OBP2B: variants seen among roughly 807,000 people sequenced by gnomAD.
OBP2B encodes odorant-binding protein 2b.
In OBP2B, 10 loss-of-function variants were observed where a neutral mutation model predicts 21.7. The ratio of observed to expected loss-of-function variants is 0.46; its 90% CI spans 0.28 to 0.78. The LOEUF is 0.78. OBP2B is among the 30% of genes least tolerant of loss of function. The pLI is 0.11. For missense variants in OBP2B, 153 were observed against 217.7 expected, an observed-to-expected ratio of 0.70 and a Z score of 1.87; for synonymous variants, 73 against 91.5, an observed-to-expected ratio of 0.80 and a Z score of 1.16.
chr9:133,207,156 T>C, intron 4 of OBP2B, 70 bp downstream of exon 4: 1 of 1,074,528 alleles, frequency 9.3e-7, no homozygotes, highest in South Asian at 1.3e-5. Context: ...GGCATGGTGG[T>C]GCTGGTTCCA....
chr9:133,220,149 T>A, the OBP2B span, among the ~76,000 whole-genome samples: 1 of 152,174 alleles, frequency 6.6e-6, no homozygotes, highest in African/African-American at 2.4e-5. Context: ...CATAGGGACC[T>A]TTGTAAGATG....
At chr9:133,211,488 C>T (rs1238693022), upstream of OBP2B, among the ~76,000 whole-genome samples, 5 of 152,222 alleles carry the variant, frequency 3.3e-5, no homozygotes, top group African/African-American at 1.2e-4. Context: ...AGCTTCCCAC[C>T]TTAAGTGCCT....
chr9:133,215,959 A>C, the OBP2B span, among the ~76,000 whole-genome samples: 2 of 152,240 alleles, frequency 1.3e-5, no homozygotes, highest in Non-Finnish European at 1.5e-5. Context: ...TCATAGACTT[A>C]AACATAAAAC....
intron 4 of OBP2B, chr9:133,206,619 A>T: frequency 1.5e-6 from 1 of 645,318 alleles, no homozygotes. Context: ...CCAAGAGTGG[A>T]CCAGAGCTCT....
At chr9:133,220,027 T>A in the OBP2B span, among the ~76,000 whole-genome samples, 3,296 of 152,214 alleles carry the variant, frequency 0.022, 109 homozygotes, top group African/African-American at 0.075. Flanking sequence ...AAGAAACACA[T>A]ATATATGATT....
At chr9:133,221,419 A>G in the OBP2B span, among the ~76,000 whole-genome samples, 4 of 152,186 alleles carry the variant, frequency 2.6e-5, no homozygotes, top group Admixed American at 1.3e-4. Flanking sequence ...TCTCGTCGAT[A>G]GAAAATGGGA....
chr9:133,214,912 A>G, the OBP2B span, among the ~76,000 whole-genome samples: 3 of 152,244 alleles, frequency 2.0e-5, no homozygotes, highest in Non-Finnish European at 4.4e-5. Flanking sequence ...AGTCAGAGCA[A>G]TAAAGGTTTT....
the OBP2B span, among the ~76,000 whole-genome samples, chr9:133,221,858 T>C: frequency 6.6e-6 from 1 of 152,196 alleles, no homozygotes; most frequent in South Asian, 2.1e-4. Context: ...GGGACATTTA[T>C]GTGATCTCAG....
the OBP2B span, among the ~76,000 whole-genome samples, chr9:133,217,364 G>A: frequency 2.0e-5 from 3 of 152,222 alleles, no homozygotes; most frequent in East Asian, 1.9e-4. Context: ...AGGCAATGGA[G>A]CTGGAGCCAG....
At chr9:133,211,859 T>A (rs1833920381), upstream of OBP2B, among the ~76,000 whole-genome samples, 1 of 152,212 alleles carries the variant, frequency 6.6e-6, no homozygotes, top group South Asian at 2.1e-4. Context: ...CTCTAGCATG[T>A]TAATAATTAT....
At chr9:133,213,729 C>A (rs1833943298), upstream of OBP2B, among the ~76,000 whole-genome samples, 1 of 152,114 alleles carries the variant, frequency 6.6e-6, no homozygotes, top group Non-Finnish European at 1.5e-5. Context: ...AACACAATGC[C>A]AATATAAGAT....
the OBP2B span, among the ~76,000 whole-genome samples, chr9:133,222,991 G>C: frequency 1.3e-5 from 2 of 152,162 alleles, no homozygotes; most frequent in African/African-American, 4.8e-5. Context: ...GAACCAGTCT[G>C]TTCCTGGCTC....
At chr9:133,218,326 T>C in the OBP2B span, among the ~76,000 whole-genome samples, 2 of 152,132 alleles carry the variant, frequency 1.3e-5, no homozygotes, top group African/African-American at 4.8e-5. Flanking sequence ...AACTGCCATG[T>C]AGGGATTAAG....
intron 4 of OBP2B, 191 bp from the exon 5 acceptor site, chr9:133,206,607 AC>A: frequency 1.5e-6 from 1 of 672,338 alleles, no homozygotes; most frequent in Non-Finnish European, 2.5e-6. Context: ...AAGGGGAGAG[AC>A]CCAAGAGTGG....
chr9:133,205,781 G>T, intron 6 of OBP2B, 136 bp downstream of exon 6: 2 of 1,336,462 alleles, frequency 1.5e-6, no homozygotes, highest in Non-Finnish European at 2.1e-6. Flanking sequence ...CAGACTCTGA[G>T]GTGCCAACCT....
chr9:133,221,318 C>T, the OBP2B span, among the ~76,000 whole-genome samples: 5 of 152,174 alleles, frequency 3.3e-5, no homozygotes, highest in Non-Finnish European at 7.3e-5. Context: ...ACTTTGGAGT[C>T]GTTCTTCCCA....
chr9:133,206,524 A>G, intron 4 of OBP2B, 108 bp from the exon 5 acceptor site: 1 of 1,433,400 alleles, frequency 7.0e-7, no homozygotes, highest in South Asian at 1.2e-5. Flanking sequence ...ACAGGGGGAG[A>G]GGCCTGAGAG....
At chr9:133,218,286 C>T in the OBP2B span, among the ~76,000 whole-genome samples, 19 of 152,236 alleles carry the variant, frequency 1.2e-4, no homozygotes, top group South Asian at 8.3e-4. Context: ...CCAGGGAGAC[C>T]GGCCACACAT....
Position 133,209,006 on chromosome 9 carries a change from G to A in OBP2B, c.72+122C>T. 1.1e-6 allele frequency: 1 copy of A among 948,860 alleles called. No individual in the cohort carries two copies. Among genetic ancestry groups the A allele is most frequent in the Non-Finnish European group, 1.6e-6 (1 of 636,284 alleles). The allele number at this position is 948,860 out of a possible 1,614,324, so 58.8% of individuals were successfully genotyped here. The stretch of plus-strand genomic sequence containing the variant: ...ATAGGACCCCTCCACCACCACCCCA[G>A]GCTGGGAGCACGGGGTCAGAAGCCA... On this transcript the variant is annotated intron_variant, in intron 1 of 6. Coordinates refer to ENST00000372034, the MANE Select transcript of OBP2B (RefSeq NM_014581.4). This position sits in a 1 kb window ranked among gnomAD's most constrained non-coding sequence, Gnocchi z 6.0.
Sources: allele counts gnomAD v4.1 joint callset (sites outside exome capture counted in the v4.1 genomes callset), GRCh38; gene constraint gnomAD v4.1.1; non-coding constraint Gnocchi (gnomAD v3.1); transcripts MANE v1.5; gene names NCBI Gene and HGNC (gene_info 2026-07-23, HGNC 2026-07-21).